ARSG: variants seen among roughly 807,000 people sequenced by gnomAD.
ARSG encodes ASG.
A neutral mutation model predicts 50.5 loss-of-function variants in ARSG; 37 were observed. The observed-to-expected ratio is 0.73, with a 90% CI of 0.56 to 0.96. The LOEUF is 0.96. Ranked by LOEUF, ARSG falls within the 50% of genes least tolerant of loss-of-function variation. The probability of loss-of-function intolerance (pLI) is 0.00; values close to 1 mark genes in which losing one functional copy is unlikely to be tolerated. For synonymous variants in ARSG, 225 were observed against 254.6 expected, an observed-to-expected ratio of 0.88 and a Z score of 1.11; for missense variants, 629 against 675.3, an observed-to-expected ratio of 0.93 and a Z score of 0.76.
At chr17:68,341,230 A>T (rs559724925) in intron 2 of ARSG, among the ~76,000 whole-genome samples, 24 of 152,122 alleles carry the variant, frequency 1.6e-4, no homozygotes, top group African/African-American at 5.8e-4. Context: ...ATATGATTGG[A>T]TTTATTTGTT....
intron 6 of ARSG, among the ~76,000 whole-genome samples, chr17:68,363,870 C>G (rs939785794): frequency 3.9e-5 from 6 of 152,094 alleles, no homozygotes; most frequent in Non-Finnish European, 8.8e-5. Context: ...AATGGTGGGG[C>G]GGGGGACAAG....
At chr17:68,426,253 G>A (rs911236491), downstream of ARSG, 4 of 841,016 alleles carry the variant, frequency 4.8e-6, 1 homozygote, top group East Asian at 6.8e-5. Flanking sequence ...GGGGAGCGGG[G>A]GCTCAAATAA....
At chr17:68,430,123 C>T in the ARSG span, 10 of 1,614,034 alleles carry the variant, frequency 6.2e-6, no homozygotes, top group Non-Finnish European at 6.8e-6. Flanking sequence ...AACATCTTTC[C>T]CATGTAGCCA....
downstream of ARSG, chr17:68,424,557 A>T (rs200337571): frequency 2.9e-4 from 154 of 526,004 alleles, no homozygotes; most frequent in Non-Finnish European, 5.2e-4. Flanking sequence ...TGGCTCTAGG[A>T]GCTGATGCTC....
intron 2 of ARSG, among the ~76,000 whole-genome samples, chr17:68,335,089 T>C (rs1163488591): frequency 6.6e-6 from 1 of 152,120 alleles, no homozygotes; most frequent in African/African-American, 2.4e-5. Context: ...CTCTAACTCC[T>C]GGGCTTAAGC....
chr17:68,424,027 A>G (rs74431513), downstream of ARSG, among the ~76,000 whole-genome samples: 6 of 152,334 alleles, frequency 3.9e-5, no homozygotes, highest in Admixed American at 1.3e-4. Flanking sequence ...AGTGCTCTGG[A>G]TCCTGGAAGC....
At chr17:68,326,745 G>A (rs1555772616) in intron 2 of ARSG, among the ~76,000 whole-genome samples, 1 of 152,172 alleles carries the variant, frequency 6.6e-6, no homozygotes, top group African/African-American at 2.4e-5. Context: ...TGGGGAGGAG[G>A]GGAGTTGATG....
At chr17:68,423,546 C>G (rs116865057), downstream of ARSG, among the ~76,000 whole-genome samples, 894 of 152,332 alleles carry the variant, frequency 5.9e-3, 4 homozygotes, top group Non-Finnish European at 9.6e-3. The surrounding 1 kb of genome is among the most constrained non-coding windows in gnomAD (Gnocchi z 4.4). Context: ...AGTGACCACT[C>G]TCACTGGCAG....
intron 11 of ARSG, among the ~76,000 whole-genome samples, chr17:68,416,792 G>T (rs1029631783): frequency 6.6e-6 from 1 of 151,618 alleles, no homozygotes; most frequent in Admixed American, 6.6e-5. Flanking sequence ...TGCATTACTA[G>T]AAGTATGTCC....
chr17:68,421,979 C>A, downstream of ARSG: 1 of 789,290 alleles, frequency 1.3e-6, no homozygotes, highest in Admixed American at 2.0e-5. Flanking sequence ...GAATGGTCAC[C>A]CAGCTTATTT....
chr17:68,347,060 T>C (rs896296561), intron 3 of ARSG, 65 bp from the exon 4 acceptor site: 1 of 1,582,708 alleles, frequency 6.3e-7, no homozygotes, highest in East Asian at 2.2e-5. Context: ...TGTGATCAGC[T>C]CCTCAGGGGG....
intron 1 of ARSG, among the ~76,000 whole-genome samples, chr17:68,303,813 G>T (rs1424651551): frequency 6.6e-6 from 1 of 152,148 alleles, no homozygotes; most frequent in African/African-American, 2.4e-5. Context: ...GTCTGTACCT[G>T]GGCATCCATT....
At chr17:68,292,333 C>G (rs1389856535) in intron 1 of ARSG, among the ~76,000 whole-genome samples, 1 of 152,124 alleles carries the variant, frequency 6.6e-6, no homozygotes, top group Non-Finnish European at 1.5e-5. Context: ...CAGTCCGTGC[C>G]CCTCATCCCG....
chr17:68,320,487 G>A (rs1366622480), intron 2 of ARSG, among the ~76,000 whole-genome samples: 1 of 152,118 alleles, frequency 6.6e-6, no homozygotes, highest in Admixed American at 6.6e-5. Context: ...GATCTCCCTC[G>A]GGGCACTGTC....
At chr17:68,372,548 T>G (rs2079901673) in intron 8 of ARSG, among the ~76,000 whole-genome samples, 3 of 152,052 alleles carry the variant, frequency 2.0e-5, no homozygotes, top group Admixed American at 2.0e-4. Flanking sequence ...CCACACACTT[T>G]TAAACAGCCA....
At chr17:68,418,436 T>C (rs903355543) in intron 11 of ARSG, among the ~76,000 whole-genome samples, 2 of 144,986 alleles carry the variant, frequency 1.4e-5, no homozygotes, top group African/African-American at 4.9e-5. Context: ...TTCCAAACTG[T>C]AGGCAAAGAC....
chr17:68,283,391 G>C (rs2075759082), intron 1 of ARSG, among the ~76,000 whole-genome samples: 1 of 151,944 alleles, frequency 6.6e-6, no homozygotes, highest in African/African-American at 2.4e-5. Context: ...CGTGGTGGCG[G>C]GCGCCTGTAG....
At chr17:68,290,128 A>C (rs1269496706), upstream of ARSG, among the ~76,000 whole-genome samples, 1 of 152,200 alleles carries the variant, frequency 6.6e-6, no homozygotes, top group African/African-American at 2.4e-5. Flanking sequence ...CCCGGGGTAG[A>C]AACCATCTCC....
Position 68,378,910 on chromosome 17 carries a change from C to T in ARSG, c.983-6154C>T, listed in dbSNP as rs1292227580. ...TGGGAAGCAGTCTCTGCATCCTGGG[C>T]CTTCTGTCCAGTTTGGGGTCGGGGG... On this transcript the variant is annotated intron_variant, in intron 8 of 11. Coordinates refer to ENST00000621439, the MANE Select transcript of ARSG (RefSeq NM_001267727.2). This position sits in a 1 kb window ranked among gnomAD's most constrained non-coding sequence, Gnocchi z 4.4. 1.4e-5 allele frequency among the ~76,000 whole-genome samples: 2 copies of T among 144,534 alleles called. No individual in the cohort carries two copies. Among genetic ancestry groups the T allele is most frequent in the Non-Finnish European group, 3.0e-5 (2 of 66,604 alleles). 94.8% of individuals were successfully genotyped at this position (144,534 alleles called of 152,430 possible).
Sources: allele counts gnomAD v4.1 joint callset (sites outside exome capture counted in the v4.1 genomes callset), GRCh38; gene constraint gnomAD v4.1.1; non-coding constraint Gnocchi (gnomAD v3.1); transcripts MANE v1.5; gene names NCBI Gene and HGNC (gene_info 2026-07-23, HGNC 2026-07-21).